Variants in CNTN3 observed in about 807,000 individuals in gnomAD.
CNTN3 encodes contactin 3.
In CNTN3, 60 loss-of-function variants were observed where a neutral mutation model predicts 119.1. The ratio of observed to expected loss-of-function variants is 0.50; its 90% confidence interval spans 0.41 to 0.62. The LOEUF (loss-of-function observed/expected upper bound fraction) is 0.62, where lower values mean the gene tolerates loss of function less well. Ranked by LOEUF, CNTN3 falls within the 20% of genes least tolerant of loss-of-function variation. The pLI is 0.00. For missense variants in CNTN3, 1,101 were observed against 1,242.4 expected (o/e 0.89, Z 1.71); for synonymous variants, 450 against 438.7 (o/e 1.03, Z -0.32).
At chr3:74,449,091 T>C (rs1354818368) in intron 4 of CNTN3, among the ~76,000 whole-genome samples, 1 of 151,984 alleles carries the variant, frequency 6.6e-6, no homozygotes, top group African/African-American at 2.4e-5. Flanking sequence ...TTAATTTCCT[T>C]CTGTAAGCCA....
chr3:74,467,409 A>T (rs1052178221), intron 4 of CNTN3, among the ~76,000 whole-genome samples: 1 of 152,150 alleles, frequency 6.6e-6, no homozygotes, highest in East Asian at 1.9e-4. Flanking sequence ...TTACTCTGAA[A>T]ATTACAGGGT....
chr3:74,385,247 C>A (rs573386310), intron 5 of CNTN3, among the ~76,000 whole-genome samples: 18 of 152,250 alleles, frequency 1.2e-4, no homozygotes, highest in Non-Finnish European at 1.9e-4. Context: ...AGGATTTGGC[C>A]ATCATCCCCT....
chr3:74,475,484 T>C (rs1456478331), intron 4 of CNTN3, among the ~76,000 whole-genome samples: 2 of 152,124 alleles, frequency 1.3e-5, no homozygotes, highest in Non-Finnish European at 2.9e-5. Flanking sequence ...CGCTAGGGAA[T>C]TGCCATTTAG....
chr3:74,306,770 T>C (rs623459), intron 13 of CNTN3, among the ~76,000 whole-genome samples: 12,360 of 152,200 alleles, frequency 0.081, 608 homozygotes, highest in East Asian at 0.23. Context: ...GAGTTCCTTT[T>C]TCAAAGCACC....
In CNTN3 at chr3:74,422,321, C is replaced by T. The variant is rs1393903793; in HGVS notation, c.454+2524G>A. ...AATGTTATTTGCTCTCCTATGCATG[C>T]TCTGGGTTCTTATGGGTTCATGTCT... On this transcript the variant is annotated intron_variant, in intron 5 of 22. Coordinates refer to ENST00000263665, the MANE Select transcript of CNTN3 (RefSeq NM_020872.3). Among the ~76,000 whole-genome samples, 8 of 152,170 alleles carry T rather than the reference C, an allele frequency of 5.3e-5. No individual in the cohort carries two copies. The South Asian group carries it at 6.2e-4, about 12-fold the overall frequency.
At chr3:74,443,116 T>C (rs1701993826) in intron 4 of CNTN3, among the ~76,000 whole-genome samples, 1 of 152,148 alleles carries the variant, frequency 6.6e-6, no homozygotes, top group Non-Finnish European at 1.5e-5. Flanking sequence ...ATTTCAACCC[T>C]AAGGAGGACA....
At chr3:74,462,599 T>C (rs1474375902) in intron 4 of CNTN3, among the ~76,000 whole-genome samples, 1 of 152,128 alleles carries the variant, frequency 6.6e-6, no homozygotes, top group East Asian at 1.9e-4. Flanking sequence ...TCCTGCTCCG[T>C]AGCCCCACTG....
intron 8 of CNTN3, among the ~76,000 whole-genome samples, chr3:74,367,318 C>A (rs938319617): frequency 6.6e-6 from 1 of 152,068 alleles, no homozygotes; most frequent in Non-Finnish European, 1.5e-5. Context: ...CTAAGTAGAG[C>A]AGACACTGTT....
chr3:74,561,549 G>A (rs763099103), intron 1 of CNTN3, among the ~76,000 whole-genome samples: 4 of 152,120 alleles, frequency 2.6e-5, no homozygotes, highest in Non-Finnish European at 1.5e-5. Context: ...AGTCTCCCAT[G>A]ACTTGCGTTT....
At chr3:74,583,102 C>T (rs1174579173) in intron 1 of CNTN3, among the ~76,000 whole-genome samples, 1 of 151,990 alleles carries the variant, frequency 6.6e-6, no homozygotes, top group Non-Finnish European at 1.5e-5. Context: ...TTCTAACAGG[C>T]TCTGGGGCAT....
intron 1 of CNTN3, among the ~76,000 whole-genome samples, chr3:74,556,869 T>A (rs1704077251): frequency 6.6e-6 from 1 of 152,212 alleles, no homozygotes; most frequent in African/African-American, 2.4e-5. Context: ...TTGGCTTCAA[T>A]TTGCATTTCC....
intron 11 of CNTN3, among the ~76,000 whole-genome samples, chr3:74,341,429 C>T (rs927580162): frequency 6.6e-6 from 1 of 152,102 alleles, no homozygotes; most frequent in South Asian, 2.1e-4. Flanking sequence ...TGGCACAAAA[C>T]GTTAAAAAAC....
At chr3:74,388,207 C>A (rs1176442545) in intron 5 of CNTN3, among the ~76,000 whole-genome samples, 3 of 151,904 alleles carry the variant, frequency 2.0e-5, no homozygotes, top group Non-Finnish European at 4.4e-5. Context: ...ACAGCAAAAA[C>A]CAGTTAACAA....
intron 6 of CNTN3, 24 bp from the exon 7 acceptor site, chr3:74,370,015 A>C: frequency 8.0e-7 from 1 of 1,257,094 alleles, no homozygotes; most frequent in Non-Finnish European, 1.1e-6. Context: ...ATATAAAGTT[A>C]ATCGTTTCAA....
intron 5 of CNTN3, among the ~76,000 whole-genome samples, chr3:74,424,024 C>G (rs1701655838): frequency 6.6e-6 from 1 of 152,150 alleles, no homozygotes. Flanking sequence ...AGTTTCACTT[C>G]TGGTCAGAAA....
intron 3 of CNTN3, among the ~76,000 whole-genome samples, chr3:74,487,067 G>A (rs966808158): frequency 6.6e-6 from 1 of 152,172 alleles, no homozygotes; most frequent in African/African-American, 2.4e-5. Flanking sequence ...AATTGGGTAA[G>A]TGCTCAACTA....
intron 4 of CNTN3, among the ~76,000 whole-genome samples, chr3:74,468,193 C>T (rs947159227): frequency 6.6e-6 from 1 of 152,062 alleles, no homozygotes; most frequent in African/African-American, 2.4e-5. Flanking sequence ...CAACATTTTC[C>T]CTTTGATCCC....
chr3:74,283,283 C>T (rs1702050660), intron 20 of CNTN3, among the ~76,000 whole-genome samples: 1 of 152,058 alleles, frequency 6.6e-6, no homozygotes, highest in Non-Finnish European at 1.5e-5. Context: ...AGTAAGCATG[C>T]TAATACCTTC....
rs542389523 is a variant in CNTN3 at position 74,340,321 on chromosome 3, T to G, written c.1365-3663A>C. On this transcript the variant is annotated intron_variant, in intron 11 of 22. Coordinates refer to ENST00000263665, the MANE Select transcript of CNTN3 (RefSeq NM_020872.3). ...AGACTGAATAAAGAGAATTTAGAAA[T>G]GCCTTTCCCAGGATAAGAGAACTGA... Among the ~76,000 whole-genome samples, 3 of 152,236 alleles carry G rather than the reference T, an allele frequency of 2.0e-5. No individual in the cohort carries two copies. In the East Asian group the frequency reaches 5.8e-4, roughly 29 times the overall value.
Sources: allele counts gnomAD v4.1 joint callset (sites outside exome capture counted in the v4.1 genomes callset), GRCh38; gene constraint gnomAD v4.1.1; transcripts MANE v1.5; gene names NCBI Gene and HGNC (gene_info 2026-07-23, HGNC 2026-07-21).